Variants in ZNF282 observed in about 807,000 individuals in gnomAD.
ZNF282 encodes HTLV-I U5 repressive element-binding protein 1.
Under a neutral mutation model 61.9 loss-of-function variants are expected in ZNF282, and 30 were observed. That is an observed-to-expected ratio of 0.48 (90% CI 0.36 to 0.66). The LOEUF (loss-of-function observed/expected upper bound fraction) is 0.66, where lower values mean the gene tolerates loss of function less well. Ranked by LOEUF, ZNF282 falls within the 30% of genes least tolerant of loss-of-function variation. The pLI is 0.00. For missense variants in ZNF282, 788 were observed against 941.4 expected, an observed-to-expected ratio of 0.84 and a Z score of 2.13; for synonymous variants, 396 against 405.0, an observed-to-expected ratio of 0.98 and a Z score of 0.27.
At chr7:149,219,401 A>G (rs988215406) in intron 7 of ZNF282, among the ~76,000 whole-genome samples, 2 of 152,184 alleles carry the variant, frequency 1.3e-5, no homozygotes, top group African/African-American at 4.8e-5. Flanking sequence ...ATGGCAGAAA[A>G]CCAGAGGGGC....
chr7:149,199,404 ACCCCAGGAGGTCAC>A (rs906227451), intron 2 of ZNF282, among the ~76,000 whole-genome samples: 5 of 151,116 alleles, frequency 3.3e-5, no homozygotes, highest in Non-Finnish European at 7.4e-5. Flanking sequence ...TCCCCTGCCC[ACCCCAGGAGGTCAC>A]CCCCAGCGTC....
At chr7:149,212,029 A>G (rs1796091836) in intron 5 of ZNF282, among the ~76,000 whole-genome samples, 1 of 152,222 alleles carries the variant, frequency 6.6e-6, no homozygotes, top group Non-Finnish European at 1.5e-5. Context: ...GGAAGTTTTC[A>G]TCTTTCCAGA....
At chr7:149,216,208 C>T (rs922175042) in intron 7 of ZNF282, among the ~76,000 whole-genome samples, 1 of 152,202 alleles carries the variant, frequency 6.6e-6, no homozygotes, top group African/African-American at 2.4e-5. Context: ...AAGTGATGCT[C>T]CTGCCTCAGC....
Position 149,213,627 on chromosome 7 carries a change from G to A in ZNF282, c.1067-74G>A, listed in dbSNP as rs1299199570. On this transcript the variant is annotated intron_variant, in intron 6 of 7. Transcript: ENST00000610704. ...GCAGGTTGCAGCCACCGCATGGGAT[G>A]GTTTTCAAACCTTTGATGGGAGGCC... 5 of 1,127,308 alleles carry A rather than the reference G, an allele frequency of 4.4e-6. No homozygotes were observed. In the East Asian group the frequency reaches 1.2e-4, roughly 28 times the overall value. The allele number at this position is 1,127,308 out of a possible 1,614,324, so 69.8% of individuals were successfully genotyped here. A position where few individuals can be genotyped will look rare whatever the true frequency, so the allele number is the denominator to read the frequency against.
intron 2 of ZNF282, 191 bp from the exon 3 acceptor site, chr7:149,206,505 G>T: frequency 1.3e-6 from 1 of 746,312 alleles, no homozygotes; most frequent in Non-Finnish European, 2.2e-6. Context: ...TTGACCATCC[G>T]TGTTATTGAA....
Position 149,198,650 on chromosome 7 carries a change from C to A in ZNF282, c.483C>A (p.Tyr161Ter). 1 of 1,614,058 alleles carries A rather than the reference C, an allele frequency of 6.2e-7. No individual in the cohort carries two copies. The highest frequency in any genetic ancestry group is 2.2e-5 in the East Asian group (1 of 44,886). ...TGCTGGGGACCCTGCTGCAGGAGTA[C>A]GGGCTGCTGCAGAGGCGGCTGGAGA... ...WAVLGTLLQE[Y>*]GLLQRRLENL... is the part of the protein sequence containing the mutation. The change falls in exon 2 of 8, where the codon TAC (tyrosine) becomes TAA (stop). Residue 161 changes from tyrosine (Y) to a stop codon, truncating the protein, a stop_gained. Coordinates refer to ENST00000610704, the MANE Select transcript of ZNF282 (RefSeq NM_003575.4). LOFTEE classifies it high-confidence loss of function. This position sits in a 1 kb window ranked among gnomAD's most constrained non-coding sequence, Gnocchi z 4.3.
At position 149,207,389 on chromosome 7, in the gene ZNF282, C is replaced by T; in HGVS notation, c.751C>T (p.Gln251Ter). ...AGTCCCCAAGCCAGATGCTCCAGTC[C>T]AGGCTGAGCCCAGGGAAGAACCTTG... ...GSVPKPDAPV[Q>*]AEPREEPCVW... Residue 251 changes from glutamine to a stop codon, truncating the protein, a stop_gained, in exon 4 of 8, where the codon CAG becomes TAG. Coordinates refer to ENST00000610704, the MANE Select transcript of ZNF282 (RefSeq NM_003575.4). LOFTEE classifies it high-confidence loss of function. The T allele has an allele frequency of 6.3e-7, 1 of 1,582,546 alleles. No individual in the cohort carries two copies. Among genetic ancestry groups the T allele is most frequent in the Non-Finnish European group, 8.6e-7 (1 of 1,162,592 alleles).
chr7:149,196,375 T>G (rs116101593), intron 1 of ZNF282, among the ~76,000 whole-genome samples: 232 of 152,270 alleles, frequency 1.5e-3, no homozygotes, highest in African/African-American at 5.1e-3. Flanking sequence ...CCTGAGCCCT[T>G]GCCTGGTCCC....
At chr7:149,202,680 A>G (rs541482834) in intron 2 of ZNF282, among the ~76,000 whole-genome samples, 1 of 151,146 alleles carries the variant, frequency 6.6e-6, no homozygotes, top group Admixed American at 6.6e-5. Context: ...CAAACTCCTG[A>G]CCTCAAGTGA....
intron 7 of ZNF282, among the ~76,000 whole-genome samples, chr7:149,219,512 G>A (rs1171232080): frequency 3.3e-5 from 5 of 152,174 alleles, no homozygotes; most frequent in African/African-American, 1.2e-4. Flanking sequence ...AGAGCCTGGG[G>A]GATTTGACAG....
intron 7 of ZNF282, among the ~76,000 whole-genome samples, chr7:149,219,551 A>G (rs995370080): frequency 1.3e-5 from 2 of 151,990 alleles, no homozygotes; most frequent in Non-Finnish European, 2.9e-5. Flanking sequence ...TCTCGGCAAA[A>G]GTTTTTCAAT....
At chr7:149,196,049 T>A (rs956008508) in intron 1 of ZNF282, among the ~76,000 whole-genome samples, 3 of 151,846 alleles carry the variant, frequency 2.0e-5, no homozygotes, top group Non-Finnish European at 4.4e-5. Flanking sequence ...TTCCGGGACC[T>A]GGCAGAGCTC....
At position 149,224,908 on chromosome 7, in the gene ZNF282, A is replaced by C; in HGVS notation, c.*261A>C. The C allele has an allele frequency of 3.6e-6, 2 of 552,342 alleles. No homozygotes were observed. Among genetic ancestry groups the C allele is most frequent in the Non-Finnish European group, 6.1e-6 (2 of 328,114 alleles). 34.2% of individuals were successfully genotyped at this position (552,342 alleles called of 1,614,324 possible). On this transcript the variant is annotated 3_prime_UTR_variant, in exon 8 of 8. Transcript: ENST00000610704. ...CCGAGCGTCCTCGGGCACCGCCCTC[A>C]CACCTCCTCGAGTGCCCTGGGACCA...
chr7:149,214,517 A>G (rs942648883), intron 7 of ZNF282, among the ~76,000 whole-genome samples: 1 of 152,142 alleles, frequency 6.6e-6, no homozygotes, highest in African/African-American at 2.4e-5. Context: ...TGACAGCAGC[A>G]GGTGGCTCAC....
intron 1 of ZNF282, among the ~76,000 whole-genome samples, chr7:149,196,723 C>T (rs1013806529): frequency 2.0e-5 from 3 of 152,218 alleles, no homozygotes; most frequent in Non-Finnish European, 4.4e-5. Flanking sequence ...ACTGTGGACT[C>T]TGTCCCCTTC....
intron 3 of ZNF282, among the ~76,000 whole-genome samples, chr7:149,207,118 G>A (rs1227288750): frequency 6.6e-6 from 1 of 152,124 alleles, no homozygotes; most frequent in Non-Finnish European, 1.5e-5. Flanking sequence ...AGCAGCCCGC[G>A]GTAAGCCATA....
intron 7 of ZNF282, among the ~76,000 whole-genome samples, chr7:149,215,962 C>T (rs551593812): frequency 2.7e-4 from 41 of 152,342 alleles, no homozygotes; most frequent in African/African-American, 9.9e-4. Flanking sequence ...CTAGAGGAGC[C>T]TGTTCTTGGG....
intron 4 of ZNF282, among the ~76,000 whole-genome samples, chr7:149,209,025 A>AAAAAAAG (rs1796040960): frequency 6.9e-6 from 1 of 145,234 alleles, no homozygotes; most frequent in African/African-American, 2.5e-5. Flanking sequence ...CATCTCAAAA[A>AAAAAAAG]AAAAAAAAGA....
intron 5 of ZNF282, 121 bp from the exon 6 acceptor site, chr7:149,212,237 A>G: frequency 1.5e-6 from 1 of 656,570 alleles, no homozygotes. Flanking sequence ...GACTTATGTA[A>G]TTGTACCTGA....
Sources: gnomAD v4.1 joint callset for allele counts (sites outside exome capture counted in the v4.1 genomes callset) on GRCh38, gnomAD v4.1.1 for gene constraint, Gnocchi (gnomAD v3.1) non-coding constraint, MANE v1.5 for transcripts, NCBI Gene and HGNC (gene_info 2026-07-23, HGNC 2026-07-21) for gene names.